CPED1: variants seen among roughly 807,000 people sequenced by gnomAD.
CPED1 encodes the protein cadherin like and PC-esterase domain containing 1, also known as cadherin-like and PC-esterase domain-containing protein 1.
A neutral mutation model predicts 128.2 loss-of-function variants in CPED1; 114 were observed. The ratio of observed to expected loss-of-function variants is 0.89; its 90% CI spans 0.76 to 1.04. The LOEUF (loss-of-function observed/expected upper bound fraction) is 1.04. Ranked by LOEUF, CPED1 falls within the 50% of genes least tolerant of loss-of-function variation. The pLI is 0.00. For missense variants in CPED1, 1,211 were observed against 1,207.1 expected, an observed-to-expected ratio of 1.00 and a Z score of -0.05; for synonymous variants, 462 against 426.7, an observed-to-expected ratio of 1.08 and a Z score of -1.02.
At position 121,266,339 on chromosome 7, in the gene CPED1, A is replaced by G. The variant is rs200825080; in HGVS notation, c.2423A>G (p.Asn808Ser). The change falls in exon 19 of 23, where the codon AAC (asparagine) becomes AGC (serine). Residue 808 changes from asparagine (N) to serine (S), a missense_variant. Asn to Ser is a conservative substitution (Grantham distance 46). Transcript: ENST00000310396. ...QKVHGTKFYH[N>S]VNGGKTLISY... The stretch of plus-strand genomic sequence containing the variant: ...GTACATGGCACTAAATTCTATCACA[A>G]CGTCAATGGTGGGAAGACTTTGATC... The G allele has an allele frequency of 5.0e-6, 8 of 1,613,196 alleles. No homozygotes were observed. The highest frequency in any genetic ancestry group is 6.8e-6 in the Non-Finnish European group (8 of 1,179,414).
Position 120,989,487 on chromosome 7 carries a change from C to A in CPED1, c.-135C>A. 1 of 1,191,412 alleles carries A rather than the reference C, an allele frequency of 8.4e-7. No individual in the cohort carries two copies. The highest frequency in any genetic ancestry group is 1.2e-6 in the Non-Finnish European group (1 of 848,424). The allele number at this position is 1,191,412 out of a possible 1,614,324, so 73.8% of individuals were successfully genotyped here. A position where few individuals can be genotyped will look rare whatever the true frequency, so the allele number is the denominator to read the frequency against. ...CTTTGGCACAACCTTTTGGAAAATTCTTAAGCAGGGATGAAGCAAACTTGA... is the reference window on the plus strand; with the variant it reads ...CTTTGGCACAACCTTTTGGAAAATTATTAAGCAGGGATGAAGCAAACTTGA... On this transcript the variant is annotated 5_prime_UTR_variant, in exon 2 of 23. Transcript: ENST00000310396.
chr7:121,181,594 G>A (rs535962637), intron 16 of CPED1, among the ~76,000 whole-genome samples: 9 of 152,170 alleles, frequency 5.9e-5, no homozygotes, highest in Non-Finnish European at 1.0e-4. Context: ...TTTTCTAAGA[G>A]ATGGTCATCA....
intron 4 of CPED1, among the ~76,000 whole-genome samples, chr7:121,058,454 A>C (rs6970871): frequency 0.66 from 99,873 of 151,932 alleles, 35,563 homozygotes; most frequent in Admixed American, 0.81. Flanking sequence ...ATAAATGACA[A>C]ATAATAATAG....
At chr7:121,019,341 G>C (rs1427208524) in intron 3 of CPED1, among the ~76,000 whole-genome samples, 2 of 151,992 alleles carry the variant, frequency 1.3e-5, no homozygotes, top group African/African-American at 4.8e-5. Context: ...GTAGTATGTG[G>C]TGGGGATTGA....
chr7:121,281,463 A>G (rs1343623213), intron 22 of CPED1, among the ~76,000 whole-genome samples: 2 of 152,162 alleles, frequency 1.3e-5, no homozygotes, highest in African/African-American at 4.8e-5. Context: ...GACCATTTGT[A>G]TGCCTTCTAA....
intron 5 of CPED1, among the ~76,000 whole-genome samples, chr7:121,066,471 G>T (rs1382628815): frequency 6.6e-6 from 1 of 152,016 alleles, no homozygotes; most frequent in Non-Finnish European, 1.5e-5. Flanking sequence ...CCAAATAATG[G>T]TAACTGGATT....
intron 7 of CPED1, among the ~76,000 whole-genome samples, chr7:121,105,792 T>A (rs1293302904): frequency 2.0e-5 from 3 of 152,142 alleles, no homozygotes; most frequent in Admixed American, 6.6e-5. Context: ...TGTGTCTTTT[T>A]AAAAAGCAAT....
chr7:121,068,276 T>C (rs1376530294), intron 5 of CPED1, among the ~76,000 whole-genome samples: 1 of 152,224 alleles, frequency 6.6e-6, no homozygotes, highest in Non-Finnish European at 1.5e-5. Context: ...TAATCCATCT[T>C]CAATTAATTT....
At chr7:121,002,384 C>T (rs565644263) in intron 2 of CPED1, among the ~76,000 whole-genome samples, 1 of 152,256 alleles carries the variant, frequency 6.6e-6, no homozygotes, top group East Asian at 1.9e-4. Context: ...AGCAGTAAAC[C>T]TTCCCTACTG....
rs537831798 is a variant in CPED1, at chr7:121,050,849, G to A, written c.540+3856G>A. On this transcript the variant is annotated intron_variant, in intron 4 of 22. Transcript: ENST00000310396. Reference sequence around the variant, plus strand: ...CAGCGGCCAGGCAGCCCAGCTTCGCGAAGGCTCTCGGTACGATGAGGCCTG... The same window carrying A: ...CAGCGGCCAGGCAGCCCAGCTTCGCAAAGGCTCTCGGTACGATGAGGCCTG... 287 of 469,264 alleles carry A rather than the reference G, an allele frequency of 6.1e-4. 4 individuals are homozygous for A. The highest frequency in any genetic ancestry group is 3.9e-3 in the South Asian group (250 of 64,592). 29.1% of individuals were successfully genotyped at this position (469,264 alleles called of 1,614,324 possible).
At chr7:121,187,025 A>C (rs1797018966) in intron 16 of CPED1, among the ~76,000 whole-genome samples, 1 of 152,200 alleles carries the variant, frequency 6.6e-6, no homozygotes, top group Admixed American at 6.5e-5. Flanking sequence ...CATTCATTCT[A>C]GATGCAATTT....
At position 121,236,845 on chromosome 7, in the gene CPED1, T is replaced by G; in HGVS notation, c.2173+14T>G. 3.8e-6 allele frequency: 5 copies of G among 1,308,294 alleles called. No homozygotes were observed. The highest frequency in any genetic ancestry group is 5.4e-6 in the Non-Finnish European group (5 of 921,722). 81.0% of individuals were successfully genotyped at this position (1,308,294 alleles called of 1,614,324 possible). ...GGGACATGAAAGGTGACTATCACATTGGATATCACTTCTCTAAAAAAAGAA... is the reference window on the plus strand; with the variant it reads ...GGGACATGAAAGGTGACTATCACATGGGATATCACTTCTCTAAAAAAAGAA... On this transcript the variant is annotated intron_variant, in intron 17 of 22. Transcript: ENST00000310396.
chr7:121,007,978 T>TTTTC (rs971632866), intron 2 of CPED1, among the ~76,000 whole-genome samples: 12 of 151,868 alleles, frequency 7.9e-5, no homozygotes, highest in African/African-American at 2.7e-4. Context: ...TTTTCTTTTC[T>TTTTC]TTTCTTTCTT....
At chr7:121,047,653 T>TTCC (rs1563004741) in intron 4 of CPED1, among the ~76,000 whole-genome samples, 7 of 5,076 alleles carry the variant, frequency 1.4e-3, no homozygotes, top group Admixed American at 5.4e-3. Context: ...ACCTTTCTTC[T>TTCC]TCTTCTTCTT....
At chr7:121,275,154 G>A (rs1792306436) in intron 22 of CPED1, among the ~76,000 whole-genome samples, 1 of 152,010 alleles carries the variant, frequency 6.6e-6, no homozygotes, top group African/African-American at 2.4e-5. Context: ...TTTGTGGTTA[G>A]AATTCTATCA....
At chr7:121,192,803 A>C (rs1423344179) in intron 16 of CPED1, among the ~76,000 whole-genome samples, 1 of 152,166 alleles carries the variant, frequency 6.6e-6, no homozygotes, top group Non-Finnish European at 1.5e-5. Context: ...TTCACACCCG[A>C]TGACAAAGAG....
intron 18 of CPED1, among the ~76,000 whole-genome samples, chr7:121,256,137 A>C (rs1376067074): frequency 6.7e-6 from 1 of 149,272 alleles, no homozygotes; most frequent in Non-Finnish European, 1.5e-5. Context: ...AACAAAAAAA[A>C]AAAACAAAGC....
chr7:121,168,587 A>G (rs937668172), intron 16 of CPED1, among the ~76,000 whole-genome samples: 12 of 152,240 alleles, frequency 7.9e-5, no homozygotes, highest in Admixed American at 7.9e-4. Context: ...TTTGAGTTAC[A>G]AAAAATCCAA....
intron 18 of CPED1, among the ~76,000 whole-genome samples, chr7:121,249,210 T>C (rs1798610883): frequency 6.6e-6 from 1 of 152,288 alleles, no homozygotes; most frequent in Non-Finnish European, 1.5e-5. Flanking sequence ...TCATTGGCAT[T>C]CCTGAGAGGG....
Sources: gnomAD v4.1 joint callset for allele counts (sites outside exome capture counted in the v4.1 genomes callset) on GRCh38, gnomAD v4.1.1 for gene constraint, MANE v1.5 for transcripts, NCBI Gene and HGNC (gene_info 2026-07-23, HGNC 2026-07-21) for gene names.